THSD7B: variants seen among roughly 807,000 people sequenced by gnomAD.
THSD7B encodes the protein thrombospondin type 1 domain containing 7B.
In THSD7B, 138 loss-of-function variants were observed where a neutral mutation model predicts 213.6. The ratio of observed to expected loss-of-function variants is 0.65; its 90% confidence interval spans 0.56 to 0.74. The LOEUF (loss-of-function observed/expected upper bound fraction) is 0.74, where lower values mean the gene tolerates loss of function less well. Among genes scored for constraint, THSD7B ranks in the 30% least tolerant of loss-of-function variants. THSD7B has a pLI of 0.00. For missense variants in THSD7B, 1,931 were observed against 1,991.5 expected, an observed-to-expected ratio of 0.97 and a Z score of 0.58; for synonymous variants, 742 against 687.0, an observed-to-expected ratio of 1.08 and a Z score of -1.25.
chr2:136,998,947 CACACACACA>C (rs1685950955), intron 2 of THSD7B, among the ~76,000 whole-genome samples: 1 of 150,480 alleles, frequency 6.6e-6, no homozygotes, highest in Non-Finnish European at 1.5e-5. Context: ...CACACACACA[CACACACACA>C]CACCCCTGCT....
At chr2:136,984,423 A>C (rs866767854) in intron 2 of THSD7B, among the ~76,000 whole-genome samples, 2 of 152,132 alleles carry the variant, frequency 1.3e-5, no homozygotes, top group African/African-American at 4.8e-5. Context: ...CTGAGTGTTT[A>C]AAAGTGTGGG....
intron 15 of THSD7B, among the ~76,000 whole-genome samples, chr2:137,521,197 C>T (rs1012317123): frequency 6.6e-6 from 1 of 152,134 alleles, no homozygotes; most frequent in Non-Finnish European, 1.5e-5. Context: ...GTCCCCACCC[C>T]AGATTATGAG....
chr2:137,413,325 T>C (rs1686713406), intron 14 of THSD7B, among the ~76,000 whole-genome samples: 1 of 152,242 alleles, frequency 6.6e-6, no homozygotes, highest in Non-Finnish European at 1.5e-5. Flanking sequence ...AACGTTTTTA[T>C]TGACCATCTG....
intron 12 of THSD7B, among the ~76,000 whole-genome samples, chr2:137,331,900 A>T (rs1684519736): frequency 6.6e-6 from 1 of 151,994 alleles, no homozygotes; most frequent in African/African-American, 2.4e-5. Context: ...CGGCTGCTCC[A>T]AGTGCGGGCC....
chr2:137,126,630 T>C (rs962526306), intron 5 of THSD7B, among the ~76,000 whole-genome samples: 1 of 152,214 alleles, frequency 6.6e-6, no homozygotes, highest in Non-Finnish European at 1.5e-5. Flanking sequence ...TTTCTCATCA[T>C]TCATGTGTTT....
chr2:136,988,116 C>T (rs968569073), intron 2 of THSD7B, among the ~76,000 whole-genome samples: 2 of 152,102 alleles, frequency 1.3e-5, no homozygotes, highest in Admixed American at 6.5e-5. Context: ...TGGCCGTCTC[C>T]CCAGTGAGAT....
intron 9 of THSD7B, among the ~76,000 whole-genome samples, chr2:137,241,858 G>A (rs1271984275): frequency 1.3e-5 from 2 of 150,724 alleles, no homozygotes; most frequent in African/African-American, 4.9e-5. Flanking sequence ...GCAGTGAGCC[G>A]AGATCGTGCC....
At chr2:137,283,012 C>T (rs1014750023) in intron 12 of THSD7B, among the ~76,000 whole-genome samples, 11 of 152,052 alleles carry the variant, frequency 7.2e-5, no homozygotes, top group African/African-American at 2.2e-4. Context: ...GCCATTTTCA[C>T]GATAATTGAT....
At chr2:137,006,447 T>TACATAC (rs1558884534) in intron 2 of THSD7B, among the ~76,000 whole-genome samples, 34 of 147,054 alleles carry the variant, frequency 2.3e-4, no homozygotes, top group African/African-American at 8.4e-4. Context: ...TACATACATA[T>TACATAC]AGGTTGTATA....
At chr2:137,402,830 A>AT (rs1292773604) in intron 12 of THSD7B, among the ~76,000 whole-genome samples, 1 of 152,044 alleles carries the variant, frequency 6.6e-6, no homozygotes, top group Non-Finnish European at 1.5e-5. Context: ...AAAAAAAAAA[A>AT]AAAAGGTTTG....
intron 10 of THSD7B, among the ~76,000 whole-genome samples, chr2:137,247,078 G>C (rs1415814123): frequency 6.6e-6 from 1 of 152,148 alleles, no homozygotes; most frequent in African/African-American, 2.4e-5. Flanking sequence ...TGTTATAGGA[G>C]ACCATTGATA....
chr2:137,249,907 T>C (rs757478280), intron 10 of THSD7B, among the ~76,000 whole-genome samples: 1 of 152,234 alleles, frequency 6.6e-6, no homozygotes, highest in African/African-American at 2.4e-5. Context: ...TAATTTGACA[T>C]GTGCTATCTC....
In THSD7B at chr2:137,344,129, A is replaced by C. The variant is rs191851125; in HGVS notation, c.2501-61484A>C. On this transcript the variant is annotated intron_variant, in intron 12 of 27. Coordinates refer to ENST00000409968, the MANE Select transcript of THSD7B (RefSeq NM_001316349.2). ...TGCACATGAGAGGGATCTAGGTTGC[A>C]GGCTTCTTATGAGAATCTAACTAAT... Among the ~76,000 whole-genome samples the C allele has an allele frequency of 1.5e-4, 23 of 151,782 alleles. 1 individual carries two copies. Among genetic ancestry groups the C allele is most frequent in the South Asian group, 1.0e-3 (5 of 4,824 alleles).
intron 15 of THSD7B, among the ~76,000 whole-genome samples, chr2:137,467,367 C>T (rs1019293024): frequency 5.9e-5 from 9 of 152,050 alleles, no homozygotes; most frequent in South Asian, 2.1e-4. Context: ...TTAATATGTA[C>T]GTGAATCATC....
chr2:137,185,028 A>G (rs1476757009), intron 7 of THSD7B, among the ~76,000 whole-genome samples: 2 of 152,148 alleles, frequency 1.3e-5, no homozygotes, highest in Non-Finnish European at 2.9e-5. Flanking sequence ...AGGTATCACA[A>G]CAAATAGTGG....
At chr2:137,529,001 A>C (rs938790316) in intron 15 of THSD7B, among the ~76,000 whole-genome samples, 7 of 152,106 alleles carry the variant, frequency 4.6e-5, no homozygotes, top group African/African-American at 1.7e-4. Flanking sequence ...ATTTTCATAC[A>C]TGTAATTATT....
chr2:136,947,360 G>T (rs181544117), intron 2 of THSD7B, among the ~76,000 whole-genome samples: 57 of 152,226 alleles, frequency 3.7e-4, no homozygotes, highest in Admixed American at 7.9e-4. Context: ...TAAGCATATA[G>T]CTTAAGGAAT....
intron 2 of THSD7B, among the ~76,000 whole-genome samples, chr2:136,889,563 G>A (rs986071270): frequency 6.6e-6 from 1 of 152,150 alleles, no homozygotes; most frequent in Non-Finnish European, 1.5e-5. Flanking sequence ...CTGTGCACCT[G>A]CATCCTTTCT....
At chr2:136,981,470 A>G (rs934630841) in intron 2 of THSD7B, among the ~76,000 whole-genome samples, 6 of 152,164 alleles carry the variant, frequency 3.9e-5, no homozygotes, top group Non-Finnish European at 1.5e-5. Context: ...TTTGCTCATC[A>G]TTAACCCTGC....
Sources: allele counts gnomAD v4.1 joint callset (sites outside exome capture counted in the v4.1 genomes callset), GRCh38; gene constraint gnomAD v4.1.1; transcripts MANE v1.5; gene names NCBI Gene and HGNC (gene_info 2026-07-23, HGNC 2026-07-21).